KHDC4: variants seen among roughly 807,000 people sequenced by gnomAD.
KHDC4 encodes the protein KH homology domain-containing protein 4.
Under a neutral mutation model 74.5 loss-of-function variants are expected in KHDC4, and 19 were observed. The ratio of observed to expected loss-of-function variants is 0.26; its 90% CI spans 0.18 to 0.37. KHDC4 has a LOEUF of 0.37. Among genes scored for constraint, KHDC4 ranks in the 10% least tolerant of loss-of-function variants. The pLI, the probability that KHDC4 is intolerant of heterozygous loss-of-function variation, is 1.00. For synonymous variants in KHDC4, 253 were observed against 266.1 expected, an observed-to-expected ratio of 0.95 and a Z score of 0.48; for missense variants, 632 against 754.1, an observed-to-expected ratio of 0.84 and a Z score of 1.90.
chr1:155,934,364 C>T lies in KHDC4; in HGVS notation c.10G>A (p.Gly4Arg), dbSNP rs752213474. 1.1e-5 allele frequency: 18 copies of T among 1,611,606 alleles called. No homozygotes were observed. The highest frequency in any genetic ancestry group is 1.4e-5 in the Non-Finnish European group (17 of 1,179,952). Residue 4 changes from glycine (G) to arginine (R), a missense_variant, in exon 1 of 14, where the codon GGG (glycine) becomes AGG (arginine). Around this residue, in one of 4 missense-constraint regions of KHDC4, gnomAD observed 104 missense variants for 78.1 expected, o/e 1.33. Transcript: ENST00000368321. MSA[G>R]SATHPGAGGR... ...CCAGCTCCAGGATGTGTCGCGCTCC[C>T]CGCGGACATGGCGACCGCTTCTACT...
At chr1:155,924,802 G>C (rs1274248989) in intron 7 of KHDC4, among the ~76,000 whole-genome samples, 1 of 151,354 alleles carries the variant, frequency 6.6e-6, no homozygotes, top group Non-Finnish European at 1.5e-5. Context: ...TCGAACTCCT[G>C]ACCTCAAGTG....
chr1:155,915,938 G>A lies in KHDC4; in HGVS notation c.1580C>T (p.Pro527Leu). Reference sequence around the variant, plus strand: ...GGACTCTGTTTTTATTCCAGTCACTGGAAAGGCTGGTGGAGGCATCAACTG... The same window carrying A: ...GGACTCTGTTTTTATTCCAGTCACTAGAAAGGCTGGTGGAGGCATCAACTG... Reference protein sequence around the residue: ...DRQLMPPPAFPVTGIKTESDE... With the variant: ...DRQLMPPPAFLVTGIKTESDE... Residue 527 changes from proline (P) to leucine (L), a missense_variant, in exon 13 of 14, where the codon CCA (proline) becomes CTA (leucine). Transcript: ENST00000368321. 1 of 1,594,582 alleles carries A rather than the reference G, an allele frequency of 6.3e-7. No homozygotes were observed. Among genetic ancestry groups the A allele is most frequent in the Non-Finnish European group, 8.5e-7 (1 of 1,173,564 alleles).
At chr1:155,926,903 GTTCAATTA>G (rs1161565964) in intron 5 of KHDC4, 64 bp from the exon 6 acceptor site, 15 of 1,566,686 alleles carry the variant, frequency 9.6e-6, no homozygotes, top group African/African-American at 1.4e-5. Flanking sequence ...GCAGGCCAGT[GTTCAATTA>G]TTCACCGTAA....
intron 2 of KHDC4, among the ~76,000 whole-genome samples, chr1:155,931,290 CA>C (rs55769714): frequency 0.019 from 2,073 of 109,618 alleles, 48 homozygotes; most frequent in African/African-American, 0.071. Flanking sequence ...ACTCTATCAC[CA>C]AAAAAAAAAA....
At position 155,930,805 on chromosome 1, in the gene KHDC4, T is replaced by C. The variant is rs566000545; in HGVS notation, c.256-965A>G. ...CCGGTTTCTTTCAATTTAAACTACA[T>C]GGAGTTTGTGATCAGCCTGGTCAAC... On this transcript the variant is annotated intron_variant, in intron 2 of 13. Coordinates refer to ENST00000368321, the MANE Select transcript of KHDC4 (RefSeq NM_014949.4). Among the ~76,000 whole-genome samples, 127 of 152,190 alleles carry C rather than the reference T, an allele frequency of 8.3e-4. 1 individual carries two copies. The highest frequency in any genetic ancestry group is 2.9e-3 in the African/African-American group (121 of 41,544).
Position 155,921,634 on chromosome 1 carries a change from G to A in KHDC4, c.1013-6C>T. The A allele has an allele frequency of 1.9e-6, 3 of 1,602,448 alleles. No homozygotes were observed. Among genetic ancestry groups the A allele is most frequent in the Non-Finnish European group, 2.6e-6 (3 of 1,172,628 alleles). ...AGCAGAGGGTTGTGTATAGCCTGAG[G>A]GGGAAGAAAAAAAGTGTTTAATCAG... On this transcript the variant is annotated splice_polypyrimidine_tract_variant and splice_region_variant and intron_variant, in intron 9 of 13. Coordinates refer to ENST00000368321, the MANE Select transcript of KHDC4 (RefSeq NM_014949.4).
At chr1:155,928,675 G>C (rs1004858518) in intron 4 of KHDC4, among the ~76,000 whole-genome samples, 3 of 151,002 alleles carry the variant, frequency 2.0e-5, no homozygotes, top group Non-Finnish European at 2.9e-5. Context: ...ATACAATGCC[G>C]GGCGTGGTGG....
At chr1:155,926,101 C>G in intron 6 of KHDC4, 1 of 658,300 alleles carries the variant, frequency 1.5e-6, no homozygotes, top group Non-Finnish European at 2.8e-6. Flanking sequence ...ATCAAGTTTA[C>G]AAATACAAAT....
chr1:155,934,348 G>C lies in KHDC4; in HGVS notation c.26C>G (p.Pro9Arg), dbSNP rs773411578. The change falls in exon 1 of 14, where the codon CCT becomes CGT. Residue 9 changes from proline (P) to arginine (R), a missense_variant. Around this residue, in one of 4 missense-constraint regions of KHDC4, gnomAD observed 104 missense variants for 78.1 expected, o/e 1.33. Transcript: ENST00000368321. ...CCTGAAGCCGTACCCGCCAGCTCCA[G>C]GATGTGTCGCGCTCCCCGCGGACAT... MSAGSATH[P>R]GAGGRRSKWD... 6.2e-7 allele frequency: 1 copy of C among 1,610,910 alleles called. No homozygotes were observed. Among genetic ancestry groups the C allele is most frequent in the Non-Finnish European group, 8.5e-7 (1 of 1,179,980 alleles).
chr1:155,931,412 T>A (rs947749155), intron 2 of KHDC4, among the ~76,000 whole-genome samples: 1 of 151,490 alleles, frequency 6.6e-6, no homozygotes, highest in Non-Finnish European at 1.5e-5. Flanking sequence ...GTGGGCAACA[T>A]GGCAAACCCA....
intron 8 of KHDC4, among the ~76,000 whole-genome samples, chr1:155,923,061 C>T (rs932102193): frequency 2.6e-5 from 4 of 151,910 alleles, no homozygotes; most frequent in Middle Eastern, 3.4e-3. Context: ...AAAAAGTAGC[C>T]GGGCGTAGTG....
At chr1:155,919,201 C>T (rs1372472798) in intron 10 of KHDC4, among the ~76,000 whole-genome samples, 2 of 151,858 alleles carry the variant, frequency 1.3e-5, no homozygotes, top group Admixed American at 6.6e-5. Flanking sequence ...CTCCTGACCT[C>T]AAGTGATCCA....
intron 10 of KHDC4, among the ~76,000 whole-genome samples, chr1:155,918,674 G>A (rs1267401202): frequency 6.6e-6 from 1 of 151,706 alleles, no homozygotes; most frequent in African/African-American, 2.4e-5. Flanking sequence ...GTATCTAAAT[G>A]TAGAAAAGGT....
At chr1:155,926,216 T>C in intron 6 of KHDC4, 1 of 407,984 alleles carries the variant, frequency 2.5e-6, no homozygotes, top group Non-Finnish European at 4.7e-6. Flanking sequence ...GTGTTCATTA[T>C]ACCGTGGAGA....
chr1:155,916,756 AG>A lies in KHDC4; in HGVS notation c.1441-20del. ...GTCCATGCTATGAGCAGAAAAATACAGTGGCATTAGCAAATCTACAACTGCC... is the reference window on the plus strand; with the variant it reads ...GTCCATGCTATGAGCAGAAAAATACATGGCATTAGCAAATCTACAACTGCC... On this transcript the variant is annotated intron_variant, in intron 11 of 13. Coordinates refer to ENST00000368321, the MANE Select transcript of KHDC4 (RefSeq NM_014949.4). The A allele has an allele frequency of 6.5e-7, 1 of 1,528,344 alleles. No individual in the cohort carries two copies. Among genetic ancestry groups the A allele is most frequent in the Non-Finnish European group, 9.0e-7 (1 of 1,106,620 alleles). 94.7% of individuals were successfully genotyped at this position (1,528,344 alleles called of 1,614,324 possible). A position where few individuals can be genotyped will look rare whatever the true frequency, so the allele number is the denominator to read the frequency against.
chr1:155,926,392 T>C, intron 6 of KHDC4: 1 of 379,322 alleles, frequency 2.6e-6, no homozygotes, highest in Non-Finnish European at 4.9e-6. Flanking sequence ...TGCAGTGGCA[T>C]GGTCTCAGCT....
chr1:155,925,268 T>A (rs866166255), intron 7 of KHDC4, among the ~76,000 whole-genome samples: 5 of 151,916 alleles, frequency 3.3e-5, no homozygotes, highest in Non-Finnish European at 5.9e-5. Flanking sequence ...CCTGACCTCG[T>A]GATCCACCCG....
At chr1:155,929,175 C>T (rs569776608) in intron 4 of KHDC4, 121 bp downstream of exon 4, 2 of 713,914 alleles carry the variant, frequency 2.8e-6, no homozygotes, top group East Asian at 5.0e-5. Context: ...AGTGTGCACA[C>T]ACATACCCCT....
chr1:155,920,409 C>G (rs770712877), intron 10 of KHDC4, among the ~76,000 whole-genome samples: 19 of 152,012 alleles, frequency 1.2e-4, no homozygotes, highest in Non-Finnish European at 2.5e-4. Context: ...TGCACTCCAG[C>G]CTGGGCAACA....
Sources: gnomAD v4.1 joint callset for allele counts (sites outside exome capture counted in the v4.1 genomes callset) on GRCh38, gnomAD v4.1.1 for gene constraint, gnomAD v4.1.1 regional missense constraint, MANE v1.5 for transcripts, NCBI Gene and HGNC (gene_info 2026-07-23, HGNC 2026-07-21) for gene names.